Variants in ALDH3B2 observed in about 807,000 individuals in gnomAD.
ALDH3B2 encodes aldehyde dehydrogenase family 3 member B2.
A neutral mutation model predicts 36.7 loss-of-function variants in ALDH3B2; 45 were observed. That is an observed-to-expected ratio of 1.23 (90% CI 0.97 to 1.57). The LOEUF (loss-of-function observed/expected upper bound fraction) is 1.57. Among genes scored for constraint, ALDH3B2 ranks in the 40% most tolerant of loss-of-function variants. The pLI is 0.00. For synonymous variants in ALDH3B2, 217 were observed against 226.5 expected (o/e 0.96, Z 0.38); for missense variants, 464 against 513.3 (o/e 0.90, Z 0.93).
chr11:67,680,253 G>T (rs1349904389), intron 1 of ALDH3B2, among the ~76,000 whole-genome samples: 8 of 152,300 alleles, frequency 5.3e-5, no homozygotes, highest in Admixed American at 3.9e-4. Context: ...GGTGGAGCTT[G>T]CAGTAAGCCG....
intron 6 of ALDH3B2, among the ~76,000 whole-genome samples, 159 bp downstream of exon 6, chr11:67,665,963 G>A (rs1855895878): frequency 6.6e-6 from 1 of 152,160 alleles, no homozygotes; most frequent in South Asian, 2.1e-4. Context: ...GCTGCAATGT[G>A]CCCAGGGCGT....
exon 10 of ALDH3B2, chr11:67,662,925 T>C (rs2447570): frequency 1 from 430,494 of 430,906 alleles, 215,041 homozygotes; most frequent in Middle Eastern, 1. Context: ...TGTGACTGGG[T>C]CTGGCCAACC....
At chr11:67,665,841 G>T (rs897500476) in intron 6 of ALDH3B2, among the ~76,000 whole-genome samples, 170 bp from the exon 7 acceptor site, 1 of 152,162 alleles carries the variant, frequency 6.6e-6, no homozygotes, top group African/African-American at 2.4e-5. Flanking sequence ...CCAGGCACCT[G>T]ACTCTTGCCC....
chr11:67,675,872 G>A (rs1160388757), upstream of ALDH3B2, among the ~76,000 whole-genome samples: 2 of 152,200 alleles, frequency 1.3e-5, no homozygotes, highest in Admixed American at 6.5e-5. Flanking sequence ...GTTTTGTTTT[G>A]TTTTGTTAAA....
chr11:67,664,625 T>C, intron 7 of ALDH3B2, 63 bp from the exon 8 acceptor site: 1 of 1,590,100 alleles, frequency 6.3e-7, no homozygotes, highest in African/African-American at 1.3e-5. Context: ...AGGGGTAGGG[T>C]AGAGGTGGGG....
Position 67,665,351 on chromosome 11 carries a change from G to A in ALDH3B2, c.640C>T (p.Arg214Trp), listed in dbSNP as rs61736824. Residue 214 changes from arginine (R) to tryptophan (W), a missense_variant, in exon 7 of 10, where the codon CGG becomes TGG. Transcript: ENST00000349015. ...ACGCGGCTGCAGCCCAGCAATGCCC[G>A]CAGCCGCTGGAACTGTTTCTGGTTG... The A allele has an allele frequency of 7.7e-5, 125 of 1,612,908 alleles. No individual in the cohort carries two copies. The Middle Eastern group carries it at 1.7e-3, about 21-fold the overall frequency.
intron 4 of ALDH3B2, 25 bp from the exon 5 acceptor site, chr11:67,666,426 T>C (rs748343295): frequency 2.5e-6 from 4 of 1,608,292 alleles, no homozygotes; most frequent in South Asian, 1.1e-5. Context: ...GGGGACGTCG[T>C]TGGGGGAGCC....
upstream of ALDH3B2, among the ~76,000 whole-genome samples, chr11:67,678,636 C>CATATATATAT (rs34057662): frequency 2.8e-4 from 41 of 146,702 alleles, no homozygotes; most frequent in African/African-American, 9.5e-4. Flanking sequence ...TACTATGGTA[C>CATATATATAT]ATATATATAT....
At position 67,671,895 on chromosome 11, in the gene ALDH3B2, A is replaced by G. The variant is rs137910508; in HGVS notation, c.-245+2542T>C. Among the ~76,000 whole-genome samples the G allele has an allele frequency of 2.4e-3, 355 of 150,306 alleles. 1 individual carries two copies. Among genetic ancestry groups the G allele is most frequent in the African/African-American group, 8.5e-3 (345 of 40,678 alleles). On this transcript the variant is annotated intron_variant, in intron 1 of 9. Transcript: ENST00000349015. Reference sequence around the variant, plus strand: ...CCTCTGCCCACCGAGATAGATGCACATTCTGATTGCCTCCTTTGGAAAGGC... The same window carrying G: ...CCTCTGCCCACCGAGATAGATGCACGTTCTGATTGCCTCCTTTGGAAAGGC...
chr11:67,665,274 G>A lies in ALDH3B2; in HGVS notation c.706+11C>T, dbSNP rs752294005. 1 of 1,593,614 alleles carries A rather than the reference G, an allele frequency of 6.3e-7. No homozygotes were observed. The highest frequency in any genetic ancestry group is 8.6e-7 in the Non-Finnish European group (1 of 1,168,880). On this transcript the variant is annotated intron_variant, in intron 7 of 9. Coordinates refer to ENST00000349015, the Ensembl canonical transcript of ALDH3B2. The stretch of plus-strand genomic sequence containing the variant: ...GGCCCAGGTGGGCTGCGGTAGGGCA[G>A]CAGGACTCACCGATGTAGCGATCGC...
At chr11:67,663,862 C>G (rs970657840) in intron 8 of ALDH3B2, 101 bp from the exon 9 acceptor site, 5 of 923,792 alleles carry the variant, frequency 5.4e-6, no homozygotes, top group African/African-American at 1.7e-5. Flanking sequence ...CTCACCTGCC[C>G]CTCCACCCTC....
intron 1 of ALDH3B2, among the ~76,000 whole-genome samples, chr11:67,668,964 T>A (rs1299874519): frequency 1.3e-5 from 2 of 150,536 alleles, no homozygotes; most frequent in Non-Finnish European, 3.0e-5. Flanking sequence ...TGTGTATGGG[T>A]GTCTGTGTCT....
At chr11:67,670,232 GTGTATGGGTGT>G (rs1856066522) in intron 1 of ALDH3B2, among the ~76,000 whole-genome samples, 1 of 133,656 alleles carries the variant, frequency 7.5e-6, no homozygotes, top group African/African-American at 2.8e-5. Flanking sequence ...GTGTCTGTGT[GTGTATGGGTGT>G]CTGTGTGTGT....
chr11:67,666,386 A>C (rs764846604), exon 5 of ALDH3B2: 1 of 1,606,554 alleles, frequency 6.2e-7, no homozygotes, highest in South Asian at 1.1e-5. Flanking sequence ...TGACGGCTTC[A>C]GCACCACGCA....
chr11:67,671,015 T>TCCA (rs1856095685), intron 1 of ALDH3B2: 3 of 152,568 alleles, frequency 2.0e-5, no homozygotes, highest in Non-Finnish European at 2.9e-5. Context: ...GTCAGCAGCC[T>TCCA]CCACCCGGCG....
Position 67,663,516 on chromosome 11 carries a change from C to T in ALDH3B2, c.974-117G>A. The T allele has an allele frequency of 3.6e-6, 5 of 1,397,018 alleles. No homozygotes were observed. In the South Asian group the frequency reaches 6.4e-5, roughly 18 times the overall value. The allele number at this position is 1,397,018 out of a possible 1,614,324, so 86.5% of individuals were successfully genotyped here. On this transcript the variant is annotated intron_variant, in intron 9 of 9. Transcript: ENST00000349015. ...AGGGAGCTCAGAGAGAGCCAGGCCA[C>T]TCACAGAGCCATTTTACAGATAGGG...
At chr11:67,665,364 C>G (rs1241041146) in exon 7 of ALDH3B2, 1 of 1,613,832 alleles carries the variant, frequency 6.2e-7, no homozygotes, top group East Asian at 2.2e-5. Flanking sequence ...GCCGCTGGAA[C>G]TGTTTCTGGT....
At chr11:67,675,098 G>A (rs1436254857), upstream of ALDH3B2, among the ~76,000 whole-genome samples, 1 of 152,152 alleles carries the variant, frequency 6.6e-6, no homozygotes, top group East Asian at 1.9e-4. Flanking sequence ...CACTCTCAGT[G>A]TGCCCAGCTG....
At chr11:67,677,736 A>T (rs1856296574), upstream of ALDH3B2, among the ~76,000 whole-genome samples, 1 of 152,214 alleles carries the variant, frequency 6.6e-6, no homozygotes, top group Admixed American at 6.5e-5. Flanking sequence ...CCTAAAACTG[A>T]TAAAAGAATT....
Sources: allele counts gnomAD v4.1 joint callset (sites outside exome capture counted in the v4.1 genomes callset), GRCh38; gene constraint gnomAD v4.1.1; transcripts MANE v1.5; gene names NCBI Gene and HGNC (gene_info 2026-07-23, HGNC 2026-07-21).